SLIT1: variants seen among roughly 807,000 people sequenced by gnomAD.
SLIT1 encodes the protein slit homolog 1 protein.
A neutral mutation model predicts 186.1 loss-of-function variants in SLIT1; 66 were observed. The observed-to-expected ratio is 0.35, with a 90% CI of 0.29 to 0.44. The LOEUF (loss-of-function observed/expected upper bound fraction) is 0.44. SLIT1 is among the 20% of genes least tolerant of loss of function. The pLI is 1.00. For missense variants in SLIT1, 1,638 were observed against 2,037.4 expected, an observed-to-expected ratio of 0.80 and a Z score of 3.77; for synonymous variants, 761 against 833.8, an observed-to-expected ratio of 0.91 and a Z score of 1.50.
intron 3 of SLIT1, among the ~76,000 whole-genome samples, chr10:97,158,622 A>C (rs1454283260): frequency 3.4e-5 from 5 of 147,386 alleles, no homozygotes; most frequent in Admixed American, 2.1e-4. Flanking sequence ...AGATTGCACC[A>C]CTGCACTCCA....
chr10:97,079,663 CA>C (rs1421358773), intron 4 of SLIT1, among the ~76,000 whole-genome samples: 1 of 152,218 alleles, frequency 6.6e-6, no homozygotes, highest in Non-Finnish European at 1.5e-5. Flanking sequence ...GTGGCAGAAA[CA>C]ATCCCCAGCC....
At chr10:97,031,759 TC>T (rs2134609641) in intron 23 of SLIT1, 82 bp from the exon 24 acceptor site, 2 of 1,110,158 alleles carry the variant, frequency 1.8e-6, no homozygotes, top group African/African-American at 1.6e-5. Flanking sequence ...GACGTGGAGG[TC>T]CCTCTCACCC....
chr10:97,084,829 C>A (rs962899692), intron 4 of SLIT1, among the ~76,000 whole-genome samples: 1 of 151,662 alleles, frequency 6.6e-6, no homozygotes, highest in Non-Finnish European at 1.5e-5. Flanking sequence ...CTGTTCTCAA[C>A]CTCTTGGCCT....
intron 4 of SLIT1, among the ~76,000 whole-genome samples, chr10:97,112,357 T>C (rs1027362985): frequency 2.0e-5 from 3 of 152,196 alleles, no homozygotes; most frequent in African/African-American, 4.8e-5. Context: ...CATCCTCCCA[T>C]GGTTCTGAGC....
chr10:97,005,850 T>C (rs1848355517), intron 32 of SLIT1, among the ~76,000 whole-genome samples: 1 of 152,106 alleles, frequency 6.6e-6, no homozygotes, highest in African/African-American at 2.4e-5. Flanking sequence ...AGATGTGGCA[T>C]TTGTGACAGG....
chr10:97,002,034 A>G, intron 36 of SLIT1, 124 bp downstream of exon 36: 1 of 557,754 alleles, frequency 1.8e-6, no homozygotes. Flanking sequence ...AAAGCCCCAT[A>G]GTAGCCCATG....
chr10:97,092,800 T>C (rs1429585863), intron 4 of SLIT1, among the ~76,000 whole-genome samples: 1 of 152,158 alleles, frequency 6.6e-6, no homozygotes, highest in Non-Finnish European at 1.5e-5. Context: ...GACCCAAAAA[T>C]GATAATAAAA....
intron 4 of SLIT1, among the ~76,000 whole-genome samples, chr10:97,108,196 A>G (rs1416463310): frequency 6.6e-6 from 1 of 152,132 alleles, no homozygotes; most frequent in African/African-American, 2.4e-5. Flanking sequence ...CACCTCTGTG[A>G]GGACCTTCTG....
Position 97,002,133 on chromosome 10 carries a change from G to T in SLIT1, c.4366+25C>A, listed in dbSNP as rs200372647. 3.6e-6 allele frequency: 5 copies of T among 1,391,548 alleles called. No individual in the cohort carries two copies. The Admixed American group carries it at 1.2e-4, about 32-fold the overall frequency. The allele number at this position is 1,391,548 out of a possible 1,614,324, so 86.2% of individuals were successfully genotyped here. On this transcript the variant is annotated intron_variant, in intron 36 of 36. Transcript: ENST00000266058. ...CAATTTGTGGGGGACCCTGGGGAGG[G>T]CACGTCAGGAGGGGGGCCCCTGACC...
At chr10:97,074,646 T>C (rs900610081) in intron 4 of SLIT1, among the ~76,000 whole-genome samples, 21 of 152,054 alleles carry the variant, frequency 1.4e-4, no homozygotes, top group African/African-American at 4.8e-4. Context: ...ATTGCCAAGA[T>C]CAAGCACCCC....
At chr10:97,042,750 T>A (rs1848700403) in intron 20 of SLIT1, 151 bp downstream of exon 20, 1 of 763,458 alleles carries the variant, frequency 1.3e-6, no homozygotes, top group Admixed American at 2.9e-5. Context: ...CGTCTCCTCC[T>A]GAAAACAGGG....
chr10:97,087,162 C>T (rs1258625388), intron 4 of SLIT1, among the ~76,000 whole-genome samples: 1 of 151,676 alleles, frequency 6.6e-6, no homozygotes, highest in African/African-American at 2.4e-5. Flanking sequence ...GTGTATGAAG[C>T]CCCCTGCCGC....
At position 97,018,817 on chromosome 10, in the gene SLIT1, C is replaced by T. The variant is rs1436044621; in HGVS notation, c.2872-134G>A. The T allele has an allele frequency of 4.6e-6, 3 of 646,348 alleles. No individual in the cohort carries two copies. In the East Asian group the frequency reaches 8.3e-5, roughly 18 times the overall value. 40.0% of individuals were successfully genotyped at this position (646,348 alleles called of 1,614,324 possible). ...TTGTTTTCATTCATTCATTCGTCCA[C>T]TTCATTCATTCATTCATTCATTCAT... On this transcript the variant is annotated intron_variant, in intron 27 of 36. Transcript: ENST00000266058.
At chr10:97,084,548 T>C (rs1386782550) in intron 4 of SLIT1, among the ~76,000 whole-genome samples, 2 of 151,942 alleles carry the variant, frequency 1.3e-5, no homozygotes, top group Non-Finnish European at 2.9e-5. Context: ...AAATAGGAGC[T>C]CTTGCTATTT....
chr10:97,042,836 C>G (rs71484300), intron 20 of SLIT1, 65 bp downstream of exon 20: 6 of 1,551,312 alleles, frequency 3.9e-6, no homozygotes, highest in South Asian at 2.4e-5. Context: ...TCTTCCTCAC[C>G]TGCCCCACCC....
In SLIT1 at chr10:97,021,114, C is replaced by T. The variant is rs993791820; in HGVS notation, c.2746+136G>A. 1.1e-5 allele frequency: 8 copies of T among 740,776 alleles called. No homozygotes were observed. The highest frequency in any genetic ancestry group is 6.5e-5 in the Admixed American group (2 of 30,704). 45.9% of individuals were successfully genotyped at this position (740,776 alleles called of 1,614,324 possible). A position where few individuals can be genotyped will look rare whatever the true frequency, so the allele number is the denominator to read the frequency against. On this transcript the variant is annotated intron_variant, in intron 26 of 36. Coordinates refer to ENST00000266058, the MANE Select transcript of SLIT1 (RefSeq NM_003061.3). This position sits in a 1 kb window ranked among gnomAD's most constrained non-coding sequence, Gnocchi z 4.5. ...CAGGATTGGAAGGCAGCCATCAAGC[C>T]GCAGGTGCCTTGTTCCTGTCCCCTG...
chr10:97,017,772 G>A (rs1050212910), intron 28 of SLIT1, among the ~76,000 whole-genome samples: 3 of 152,200 alleles, frequency 2.0e-5, no homozygotes, highest in East Asian at 3.8e-4. Context: ...CCAGGGCCCT[G>A]TCTGCAGGCA....
chr10:97,100,116 G>A (rs2134669745), intron 4 of SLIT1, among the ~76,000 whole-genome samples: 1 of 152,342 alleles, frequency 6.6e-6, no homozygotes, highest in Non-Finnish European at 1.5e-5. Flanking sequence ...GTGTTCTAGT[G>A]TTGGAGACCC....
intron 4 of SLIT1, among the ~76,000 whole-genome samples, chr10:97,151,880 G>A (rs1293898448): frequency 1.3e-5 from 2 of 152,146 alleles, no homozygotes; most frequent in African/African-American, 2.4e-5. Flanking sequence ...ATGAGGCCCT[G>A]GGAGAGTGAG....
Sources: allele counts gnomAD v4.1 joint callset (sites outside exome capture counted in the v4.1 genomes callset), GRCh38; gene constraint gnomAD v4.1.1; non-coding constraint Gnocchi (gnomAD v3.1); transcripts MANE v1.5; gene names NCBI Gene and HGNC (gene_info 2026-07-23, HGNC 2026-07-21).